TMEM131L: variants seen among roughly 807,000 people sequenced by gnomAD.
TMEM131L encodes transmembrane 131 like.
TMEM131L carries 54 observed loss-of-function variants against 192.2 expected under a neutral mutation model. That is an observed-to-expected ratio of 0.28 (90% CI 0.23 to 0.35). The LOEUF is 0.35. Among genes scored for constraint, TMEM131L ranks in the 10% least tolerant of loss-of-function variants. TMEM131L has a pLI of 1.00. For missense variants in TMEM131L, 1,888 were observed against 1,972.9 expected (o/e 0.96, Z 0.82); for synonymous variants, 701 against 704.9 (o/e 0.99, Z 0.09).
intron 14 of TMEM131L, among the ~76,000 whole-genome samples, chr4:153,586,817 A>G (rs887408503): frequency 2.0e-5 from 3 of 152,192 alleles, no homozygotes; most frequent in Non-Finnish European, 2.9e-5. Context: ...TTAGTGGGCC[A>G]AGTATAAAGC....
At chr4:153,487,746 C>T (rs1021949549) in intron 3 of TMEM131L, among the ~76,000 whole-genome samples, 25 of 147,690 alleles carry the variant, frequency 1.7e-4, no homozygotes, top group Non-Finnish European at 3.3e-4. Flanking sequence ...GAGACACCCT[C>T]GTGGGCCTGT....
chr4:153,528,314 G>A (rs1735647241), intron 3 of TMEM131L, among the ~76,000 whole-genome samples: 1 of 152,188 alleles, frequency 6.6e-6, no homozygotes, highest in South Asian at 2.1e-4. Flanking sequence ...ATTTGTGTGG[G>A]TGATAAAACA....
At chr4:153,561,283 T>C (rs1056180386) in intron 7 of TMEM131L, among the ~76,000 whole-genome samples, 1 of 152,242 alleles carries the variant, frequency 6.6e-6, no homozygotes, top group Non-Finnish European at 1.5e-5. Context: ...CATTGGACCT[T>C]TATCAGGTAC....
Position 153,584,988 on chromosome 4 carries a change from T to C in TMEM131L, c.1157+57T>C, listed in dbSNP as rs1401647812. 5.3e-6 allele frequency: 7 copies of C among 1,309,504 alleles called. No individual in the cohort carries two copies. In the Admixed American group the frequency reaches 1.2e-4, roughly 22 times the overall value. The allele number at this position is 1,309,504 out of a possible 1,614,324, so 81.1% of individuals were successfully genotyped here. On this transcript the variant is annotated intron_variant, in intron 12 of 34. Coordinates refer to ENST00000409959, the MANE Select transcript of TMEM131L (RefSeq NM_001131007.2). The stretch of plus-strand genomic sequence containing the variant: ...TATGGTTGTTGTTGTTGTTTTCCCC[T>C]CTAGAAATGGTTTAAAAATATAGTG...
At position 153,491,243 on chromosome 4, in the gene TMEM131L, T is replaced by C. The variant is rs115028869; in HGVS notation, c.239+17355T>C. The stretch of plus-strand genomic sequence containing the variant: ...AAGGAAAGACATGTTCCTAGAGAGC[T>C]GAACACCTGTAATATTGACTAATAG... On this transcript the variant is annotated intron_variant, in intron 3 of 34. Transcript: ENST00000409959. 4.9e-3 allele frequency among the ~76,000 whole-genome samples: 749 copies of C among 152,272 alleles called. 10 individuals are homozygous for C. The highest frequency in any genetic ancestry group is 0.017 in the African/African-American group (691 of 41,558).
intron 19 of TMEM131L, 27 bp from the exon 20 acceptor site, chr4:153,596,231 G>A (rs767806039): frequency 2.5e-6 from 4 of 1,612,050 alleles, no homozygotes; most frequent in Non-Finnish European, 3.4e-6. Context: ...CTAGGAGTAT[G>A]ACATGGTTTA....
intron 18 of TMEM131L, among the ~76,000 whole-genome samples, chr4:153,593,242 C>T (rs2150858846): frequency 6.6e-6 from 1 of 152,292 alleles, no homozygotes; most frequent in South Asian, 2.1e-4. Context: ...GTAAGATCGA[C>T]CCTTATCCCA....
intron 7 of TMEM131L, among the ~76,000 whole-genome samples, chr4:153,572,948 G>A (rs183001111): frequency 1.2e-4 from 19 of 152,278 alleles, no homozygotes; most frequent in Admixed American, 3.9e-4. Flanking sequence ...ATAGAAGTGG[G>A]ATTATACAGT....
At position 153,585,106 on chromosome 4, in the gene TMEM131L, G is replaced by A. The variant is rs576679720; in HGVS notation, c.1157+175G>A. ...GTGAAAGGGATATTAGCTGAGTGGG[G>A]AAAAGGAAGTGAAATAATTCAGTTT... is the stretch of plus-strand genomic sequence containing the variant. On this transcript the variant is annotated intron_variant, in intron 12 of 34. Transcript: ENST00000409959. 9.8e-5 allele frequency among the ~76,000 whole-genome samples: 15 copies of A among 152,356 alleles called. No individual in the cohort carries two copies. The South Asian group carries it at 3.1e-3, about 32-fold the overall frequency.
chr4:153,529,917 G>A (rs1389268158), intron 3 of TMEM131L, among the ~76,000 whole-genome samples: 4 of 152,116 alleles, frequency 2.6e-5, no homozygotes, highest in Non-Finnish European at 4.4e-5. Flanking sequence ...TTCATTTCAC[G>A]AGACCTCACA....
At chr4:153,573,488 A>G (rs9307908) in intron 7 of TMEM131L, among the ~76,000 whole-genome samples, 10,576 of 152,288 alleles carry the variant, frequency 0.069, 1,253 homozygotes, top group African/African-American at 0.24. Flanking sequence ...TGCCTGACCT[A>G]TCAAGGTGAA....
At chr4:153,552,427 G>A (rs536556963) in intron 4 of TMEM131L, among the ~76,000 whole-genome samples, 2 of 152,236 alleles carry the variant, frequency 1.3e-5, no homozygotes, top group South Asian at 4.1e-4. Context: ...GTTTACAGTT[G>A]TCCCTCGTTA....
Position 153,621,688 on chromosome 4 carries a change from C to T in TMEM131L, c.3698C>T (p.Pro1233Leu), listed in dbSNP as rs1733421227. 1 of 1,613,966 alleles carries T rather than the reference C, an allele frequency of 6.2e-7. No homozygotes were observed. Among genetic ancestry groups the T allele is most frequent in the Admixed American group, 1.7e-5 (1 of 60,008 alleles). ...KRGVAPVSRP[P>L]EQSDLKLVCS... is the part of the protein sequence containing the mutation. ...TGTGTGTGTGTCTTTTCCAGGCCTC[C>T]TGAACAGAGTGATCTAAAGCTTGTG... The change falls in exon 28 of 35, where the codon CCT becomes CTT. Residue 1233 changes from proline (P) to leucine (L), a missense_variant. Physicochemically the swap from Pro to Leu is moderately conservative, Grantham distance 98 (BLOSUM62 -3). Transcript: ENST00000409959.
intron 3 of TMEM131L, among the ~76,000 whole-genome samples, chr4:153,546,653 C>A (rs1415705422): frequency 6.6e-6 from 1 of 152,204 alleles, no homozygotes; most frequent in Admixed American, 6.5e-5. Flanking sequence ...TTGAGCCAGG[C>A]GCAGTGGCTC....
At chr4:153,618,878 T>G (rs1461486918) in intron 26 of TMEM131L, among the ~76,000 whole-genome samples, 2 of 152,188 alleles carry the variant, frequency 1.3e-5, no homozygotes, top group African/African-American at 4.8e-5. Flanking sequence ...CTGTTCTACC[T>G]GCTGTCTCCA....
chr4:153,512,542 A>T (rs546957816), intron 3 of TMEM131L, among the ~76,000 whole-genome samples: 1 of 152,306 alleles, frequency 6.6e-6, no homozygotes, highest in East Asian at 1.9e-4. Context: ...TCTTTCTAAG[A>T]TCACTTTTAC....
At chr4:153,486,507 T>G (rs1453193944) in intron 3 of TMEM131L, among the ~76,000 whole-genome samples, 5 of 151,944 alleles carry the variant, frequency 3.3e-5, no homozygotes. Context: ...GGAGGCAGGG[T>G]GGTTCTGGGT....
Position 153,634,185 on chromosome 4 carries a change from G to A in TMEM131L, c.4329-7G>A, listed in dbSNP as rs963396033. ...TTTCTGATTAGACCACTTGTTTTTT[G>A]TGGCAGTTTCATTGATTGGAGTGCA... is the stretch of plus-strand genomic sequence containing the variant. On this transcript the variant is annotated splice_polypyrimidine_tract_variant and splice_region_variant and intron_variant, in intron 32 of 34. Coordinates refer to ENST00000409959, the MANE Select transcript of TMEM131L (RefSeq NM_001131007.2). 2 of 1,611,884 alleles carry A rather than the reference G, an allele frequency of 1.2e-6. No individual in the cohort carries two copies. Among genetic ancestry groups the A allele is most frequent in the African/African-American group, 2.7e-5 (2 of 74,876 alleles).
chr4:153,610,895 G>A (rs13135353), intron 25 of TMEM131L, among the ~76,000 whole-genome samples: 18 of 151,882 alleles, frequency 1.2e-4, no homozygotes, highest in Non-Finnish European at 1.6e-4. Flanking sequence ...TCATCTAGAC[G>A]TCTCAAATTT....
Sources: allele counts gnomAD v4.1 joint callset (sites outside exome capture counted in the v4.1 genomes callset), GRCh38; gene constraint gnomAD v4.1.1; transcripts MANE v1.5; gene names NCBI Gene and HGNC (gene_info 2026-07-23, HGNC 2026-07-21).